Variants in PSPC1 observed in about 807,000 individuals in gnomAD.
PSPC1 encodes the protein paraspeckle protein 1.
PSPC1 carries 14 observed loss-of-function variants against 51.6 expected under a neutral mutation model. The ratio of observed to expected loss-of-function variants is 0.27; its 90% CI spans 0.18 to 0.42. The LOEUF (loss-of-function observed/expected upper bound fraction) is 0.42. Among genes scored for constraint, PSPC1 ranks in the 10% least tolerant of loss-of-function variants. The pLI is 1.00. For missense variants in PSPC1, 406 were observed against 701.1 expected, an observed-to-expected ratio of 0.58 and a Z score of 4.75; for synonymous variants, 193 against 231.9, an observed-to-expected ratio of 0.83 and a Z score of 1.53.
At chr13:19,761,791 G>A (rs1244279018) in intron 2 of PSPC1, among the ~76,000 whole-genome samples, 4 of 152,132 alleles carry the variant, frequency 2.6e-5, no homozygotes, top group Non-Finnish European at 5.9e-5. Context: ...CCATTCATCC[G>A]CTGGAAGCTA....
At chr13:19,708,658 C>T (rs1881010259) in intron 7 of PSPC1, among the ~76,000 whole-genome samples, 1 of 152,174 alleles carries the variant, frequency 6.6e-6, no homozygotes, top group South Asian at 2.1e-4. Context: ...CACATAATTC[C>T]CTTGATGAGT....
intron 6 of PSPC1, among the ~76,000 whole-genome samples, chr13:19,685,311 T>C (rs557101434): frequency 6.6e-6 from 1 of 152,216 alleles, no homozygotes; most frequent in Non-Finnish European, 1.5e-5. Context: ...TTAGAACACA[T>C]ACTATTTCCC....
Position 19,772,439 on chromosome 13 carries a change from A to G in PSPC1, c.477T>C (p.Thr159=), listed in dbSNP as rs746779056. ...AAACAACTGGAGAAAGGTTCTTGAC[A>G]GTCAAGGCTGCTCCATGTGTAGCGA... is the stretch of plus-strand genomic sequence containing the variant. ...IRFATHGAAL[T]VKNLSPVVSN... is the part of the protein sequence containing the mutation. The change falls in exon 2 of 9, where the codon ACT becomes ACC. Residue 159 remains threonine (T), a synonymous_variant. Transcript: ENST00000338910. 1.2e-6 allele frequency: 2 copies of G among 1,614,140 alleles called. No homozygotes were observed. The highest frequency in any genetic ancestry group is 1.7e-5 in the Admixed American group (1 of 60,000).
In PSPC1 at chr13:19,730,273, T is replaced by C; in HGVS notation, c.1124A>G (p.Gln375Arg). The change falls in exon 6 of 9, where the codon CAG becomes CGG. Residue 375 changes from glutamine (Q) to arginine (R), a missense_variant. Around this residue, in one of 5 missense-constraint regions of PSPC1, gnomAD observed 61 missense variants for 78.4 expected, o/e 0.78. Transcript: ENST00000338910. ...GTAGTTTGGCTTAAAGCCCTCTTGC[T>C]GTCGCCTCAGTTCCTCCTGTTCTCT... ...RHREQEELRR[Q>R]QEGFKPNYME... 6.2e-7 allele frequency: 1 copy of C among 1,614,194 alleles called. No individual in the cohort carries two copies. The highest frequency in any genetic ancestry group is 8.5e-7 in the Non-Finnish European group (1 of 1,180,018).
downstream of PSPC1, among the ~76,000 whole-genome samples, chr13:19,700,458 T>TA (rs1184540834): frequency 8.6e-5 from 13 of 151,458 alleles, no homozygotes; most frequent in Admixed American, 2.0e-4. Flanking sequence ...CACAGAAAAA[T>TA]AAAAAAAACC....
intron 5 of PSPC1, among the ~76,000 whole-genome samples, chr13:19,736,698 A>G (rs1466866389): frequency 6.6e-6 from 1 of 152,110 alleles, no homozygotes; most frequent in African/African-American, 2.4e-5. Flanking sequence ...AATAAATAAA[A>G]TAAAATAAAA....
intron 2 of PSPC1, among the ~76,000 whole-genome samples, chr13:19,766,645 TC>T (rs1220143734): frequency 6.6e-6 from 1 of 151,856 alleles, no homozygotes; most frequent in East Asian, 1.9e-4. Flanking sequence ...ATGATCGCAT[TC>T]AGCCTGGGTG....
rs370840309 is a variant in PSPC1, at chr13:19,759,410, C to T, written c.683G>A (p.Arg228His). ...CTCCATGGGTTCCACAATGACTGGACGAGGGGTCCTGGATAGGTATAAAAG... is the reference window on the plus strand; with the variant it reads ...CTCCATGGGTTCCACAATGACTGGATGAGGGGTCCTGGATAGGTATAAAAG... ...DGAFLLTTTP[R>H]PVIVEPMEQF... Residue 228 changes from arginine to histidine, a missense_variant, in exon 3 of 9, where the codon CGT becomes CAT. Physicochemically the swap from Arg to His is conservative, Grantham distance 29 (BLOSUM62 0). Coordinates refer to ENST00000338910, the MANE Select transcript of PSPC1 (RefSeq NM_001354909.2). The T allele has an allele frequency of 4.3e-6, 7 of 1,613,604 alleles. No homozygotes were observed. The highest frequency in any genetic ancestry group is 1.1e-5 in the South Asian group (1 of 91,064).
intron 6 of PSPC1, among the ~76,000 whole-genome samples, chr13:19,690,423 T>C (rs1383820889): frequency 6.6e-6 from 1 of 152,218 alleles, no homozygotes; most frequent in Non-Finnish European, 1.5e-5. Context: ...CTCCCATTTG[T>C]GTTGGTTCTG....
chr13:19,704,738 A>T (rs1433881702), intron 8 of PSPC1, among the ~76,000 whole-genome samples: 4 of 152,192 alleles, frequency 2.6e-5, no homozygotes, highest in Non-Finnish European at 5.9e-5. Flanking sequence ...TTTAAATATA[A>T]TAAAAATTAC....
intron 6 of PSPC1, among the ~76,000 whole-genome samples, chr13:19,680,326 T>G (rs1272410008): frequency 2.0e-5 from 3 of 152,206 alleles, no homozygotes; most frequent in Non-Finnish European, 4.4e-5. Flanking sequence ...AATATTTAAT[T>G]TTTAAAAGGG....
intron 6 of PSPC1, among the ~76,000 whole-genome samples, chr13:19,692,324 C>G (rs1205733615): frequency 6.6e-6 from 1 of 152,042 alleles, no homozygotes; most frequent in African/African-American, 2.4e-5. Flanking sequence ...GCCATCTTGC[C>G]CAGGCTAGTC....
rs192698722 is a variant in PSPC1 at position 19,706,428 on chromosome 13, C to T, written c.1217-597G>A. ...TTTATTTTGAAATATGGACTCTAAACCAAAAAATTGAAATGACTTATAAGA... is the reference window on the plus strand; with the variant it reads ...TTTATTTTGAAATATGGACTCTAAATCAAAAAATTGAAATGACTTATAAGA... On this transcript the variant is annotated intron_variant, in intron 7 of 8. Transcript: ENST00000338910. Among the ~76,000 whole-genome samples the T allele has an allele frequency of 3.3e-4, 50 of 150,724 alleles. No individual in the cohort carries two copies. In the East Asian group the frequency reaches 9.3e-3, roughly 28 times the overall value.
chr13:19,776,140 T>A (rs573632247), intron 1 of PSPC1, among the ~76,000 whole-genome samples: 93 of 152,212 alleles, frequency 6.1e-4, no homozygotes, highest in Middle Eastern at 3.4e-3. Flanking sequence ...GGGTTTGAGT[T>A]AAACAGACAT....
chr13:19,768,768 T>C lies in PSPC1; in HGVS notation c.674+3474A>G, dbSNP rs542817471. Among the ~76,000 whole-genome samples, 223 of 151,230 alleles carry C rather than the reference T, an allele frequency of 1.5e-3. 8 individuals are homozygous for C. The highest frequency in any genetic ancestry group is 2.8e-3 in the Non-Finnish European group (189 of 67,836). On this transcript the variant is annotated intron_variant, in intron 2 of 8. Transcript: ENST00000338910. ...AAAGCACATGAAAAGATGCTCATCATTAGTCATCAGGAAAATAAAATTTAA... is the reference window on the plus strand; with the variant it reads ...AAAGCACATGAAAAGATGCTCATCACTAGTCATCAGGAAAATAAAATTTAA...
At chr13:19,680,347 T>A (rs1877138244) in intron 6 of PSPC1, among the ~76,000 whole-genome samples, 1 of 152,186 alleles carries the variant, frequency 6.6e-6, no homozygotes, top group Admixed American at 6.5e-5. Context: ...TCATTTTTTC[T>A]TATTACTTCT....
intron 6 of PSPC1, among the ~76,000 whole-genome samples, chr13:19,692,071 G>C (rs1423695252): frequency 6.6e-6 from 1 of 152,200 alleles, no homozygotes; most frequent in Non-Finnish European, 1.5e-5. Context: ...ATTTAATTCA[G>C]ATGGGAAACT....
At chr13:19,754,176 C>T (rs1371190709) in intron 3 of PSPC1, among the ~76,000 whole-genome samples, 1 of 152,084 alleles carries the variant, frequency 6.6e-6, no homozygotes, top group African/African-American at 2.4e-5. Flanking sequence ...CCTCCGCCTC[C>T]TGGGTTCAAG....
intron 6 of PSPC1, among the ~76,000 whole-genome samples, chr13:19,711,520 C>T (rs1324856834): frequency 2.0e-5 from 3 of 151,976 alleles, no homozygotes; most frequent in Non-Finnish European, 4.4e-5. Flanking sequence ...CGCCCGTAGT[C>T]CCAACTATTC....
Sources: gnomAD v4.1 joint callset for allele counts (sites outside exome capture counted in the v4.1 genomes callset) on GRCh38, gnomAD v4.1.1 for gene constraint, gnomAD v4.1.1 regional missense constraint, MANE v1.5 for transcripts, NCBI Gene and HGNC (gene_info 2026-07-23, HGNC 2026-07-21) for gene names.